Variants in PSTPIP2 observed in about 807,000 individuals in gnomAD.
PSTPIP2 encodes proline-serine-threonine phosphatase interacting protein 2, also known as proline-serine-threonine phosphatase-interacting protein 2.
A neutral mutation model predicts 63.3 loss-of-function variants in PSTPIP2; 33 were observed. That is an observed-to-expected ratio of 0.52 (90% CI 0.40 to 0.70). The LOEUF is 0.70. PSTPIP2 is among the 30% of genes least tolerant of loss of function. The pLI is 0.00. For synonymous variants in PSTPIP2, 125 were observed against 132.7 expected, an observed-to-expected ratio of 0.94 and a Z score of 0.40; for missense variants, 312 against 400.7, an observed-to-expected ratio of 0.78 and a Z score of 1.89.
intron 2 of PSTPIP2, among the ~76,000 whole-genome samples, chr18:46,038,319 T>A (rs1908057396): frequency 6.6e-6 from 1 of 152,168 alleles, no homozygotes; most frequent in South Asian, 2.1e-4. Flanking sequence ...AGGGTCACAT[T>A]CAAAAAAGTA....
chr18:45,990,666 G>C (rs1452606441), intron 13 of PSTPIP2, 56 bp downstream of exon 13: 1 of 1,471,974 alleles, frequency 6.8e-7, no homozygotes, highest in Admixed American at 1.8e-5. Context: ...CTGACCTCAA[G>C]TGATCTGCCT....
chr18:46,060,932 C>T (rs1163401405), intron 1 of PSTPIP2, among the ~76,000 whole-genome samples: 4 of 152,110 alleles, frequency 2.6e-5, no homozygotes, highest in African/African-American at 2.4e-5. Context: ...GACAATGACA[C>T]GTATAAAACA....
chr18:46,040,037 A>G lies in PSTPIP2; in HGVS notation c.44T>C (p.Ile15Thr), dbSNP rs1290055938. The G allele has an allele frequency of 6.2e-7, 1 of 1,605,848 alleles. No individual in the cohort carries two copies. Among genetic ancestry groups the G allele is most frequent in the Non-Finnish European group, 8.5e-7 (1 of 1,175,538 alleles). ...LFKGNFWSAD[I>T]LSTIGYDNII... ...GTTGTCATAGCCGATGGTGCTGAGG[A>G]TGTCTGCACTCTGGGGGAAAGACAA... Residue 15 changes from isoleucine to threonine, a missense_variant, in exon 2 of 15, where the codon ATC becomes ACC. Ile to Thr is a moderately conservative substitution (Grantham distance 89). Coordinates refer to ENST00000409746, the MANE Select transcript of PSTPIP2 (RefSeq NM_024430.4).
chr18:46,045,215 T>C (rs1489167328), intron 1 of PSTPIP2, among the ~76,000 whole-genome samples: 1 of 152,192 alleles, frequency 6.6e-6, no homozygotes, highest in Non-Finnish European at 1.5e-5. Flanking sequence ...TGCACACGTA[T>C]GTTTATTGCG....
chr18:46,017,807 A>AT (rs1332391251), intron 3 of PSTPIP2, among the ~76,000 whole-genome samples: 19 of 152,172 alleles, frequency 1.2e-4, no homozygotes, highest in African/African-American at 4.6e-4. Context: ...GTTTTCAAGA[A>AT]TATAATACAT....
intron 2 of PSTPIP2, among the ~76,000 whole-genome samples, chr18:46,033,955 G>A (rs1282665838): frequency 6.6e-6 from 1 of 152,216 alleles, no homozygotes; most frequent in African/African-American, 2.4e-5. Context: ...AAGCCATTCA[G>A]TTAGAGGCAA....
At chr18:46,034,805 A>T (rs1907907234) in intron 2 of PSTPIP2, among the ~76,000 whole-genome samples, 2 of 152,194 alleles carry the variant, frequency 1.3e-5, no homozygotes, top group Non-Finnish European at 2.9e-5. Context: ...GAGAAAACTT[A>T]CCATACAGAG....
chr18:46,059,026 T>C (rs772144904), intron 1 of PSTPIP2, among the ~76,000 whole-genome samples: 1 of 125,554 alleles, frequency 8.0e-6, no homozygotes, highest in African/African-American at 2.7e-5. Flanking sequence ...TTCTTTTTTT[T>C]TCTTTTTTTC....
At chr18:46,016,841 C>G (rs1459227271) in intron 3 of PSTPIP2, among the ~76,000 whole-genome samples, 1 of 152,146 alleles carries the variant, frequency 6.6e-6, no homozygotes, top group Non-Finnish European at 1.5e-5. Flanking sequence ...AATAAAATAC[C>G]TAAGAATGCT....
rs370990162 is a variant in PSTPIP2 at position 46,072,069 on chromosome 18, C to CT, written c.33+86dup. On this transcript the variant is annotated intron_variant, in intron 1 of 14. Transcript: ENST00000409746. ...GCGCGGTCACCGAGTGGCGCCGGAG[C>CT]TGGGGAGCCCCCCACGCCCGCCGCG... is the stretch of plus-strand genomic sequence containing the variant. The CT allele has an allele frequency of 1.2e-3, 1,693 of 1,461,042 alleles. 17 individuals carry two copies. In the African/African-American group the frequency reaches 0.022, roughly 19 times the overall value. The allele number at this position is 1,461,042 out of a possible 1,614,324, so 90.5% of individuals were successfully genotyped here.
At chr18:46,002,444 G>T (rs995818983) in intron 6 of PSTPIP2, among the ~76,000 whole-genome samples, 2 of 151,844 alleles carry the variant, frequency 1.3e-5, no homozygotes, top group Admixed American at 6.6e-5. Context: ...TCTCTCTGTT[G>T]TTCATGTCTG....
intron 1 of PSTPIP2, among the ~76,000 whole-genome samples, chr18:46,049,296 TG>T (rs1248287857): frequency 6.6e-6 from 1 of 151,884 alleles, no homozygotes; most frequent in Non-Finnish European, 1.5e-5. Flanking sequence ...AGCCACACAC[TG>T]GGGCCTTTTG....
intron 3 of PSTPIP2, among the ~76,000 whole-genome samples, chr18:46,023,871 C>A (rs1211554280): frequency 6.6e-6 from 1 of 151,746 alleles, no homozygotes; most frequent in East Asian, 1.9e-4. Context: ...CACATATACA[C>A]ACACAGGAAG....
rs1440599719 is a variant in PSTPIP2, at chr18:45,983,728, T to G, written c.*1731A>C. On this transcript the variant is annotated 3_prime_UTR_variant, in exon 15 of 15. Transcript: ENST00000409746. ...GTTCTGAGTGTAAAGGAACATTTCC[T>G]GAGCCCGTTCAGTTTGGGGAAATTT... is the stretch of plus-strand genomic sequence containing the variant. 2 of 152,240 alleles carry G rather than the reference T, an allele frequency of 1.3e-5. No individual in the cohort carries two copies. The highest frequency in any genetic ancestry group is 6.5e-5 in the Admixed American group (1 of 15,284). The allele number at this position is 152,240 out of a possible 1,614,324, so 9.4% of individuals were successfully genotyped here.
intron 1 of PSTPIP2, among the ~76,000 whole-genome samples, chr18:46,070,605 C>G (rs531763552): frequency 3.9e-5 from 6 of 152,352 alleles, no homozygotes; most frequent in Non-Finnish European, 7.3e-5. Flanking sequence ...CCTCAAACTC[C>G]TGGCCTCAAG....
chr18:46,009,707 G>A (rs1023350046), intron 5 of PSTPIP2, among the ~76,000 whole-genome samples: 1 of 152,178 alleles, frequency 6.6e-6, no homozygotes, highest in African/African-American at 2.4e-5. Flanking sequence ...GGCTACCAAG[G>A]AGGGCACTTA....
At chr18:46,059,638 G>A (rs868499382) in intron 1 of PSTPIP2, among the ~76,000 whole-genome samples, 4 of 152,076 alleles carry the variant, frequency 2.6e-5, no homozygotes, top group African/African-American at 9.7e-5. Flanking sequence ...TTTTCAAAGT[G>A]TCTAAAATTC....
At position 45,985,921 on chromosome 18, in the gene PSTPIP2, C is replaced by T. The variant is rs2051462418; in HGVS notation, c.*9-471G>A. ...CCTCCCAAGTAGCTGGGATTACAGG[C>T]ACCCGCCACTGTGCCTGGCTAGTTT... On this transcript the variant is annotated intron_variant, in intron 14 of 14. Coordinates refer to ENST00000409746, the MANE Select transcript of PSTPIP2 (RefSeq NM_024430.4). Among the ~76,000 whole-genome samples the T allele has an allele frequency of 2.6e-5, 4 of 151,938 alleles. No individual in the cohort carries two copies. The South Asian group carries it at 8.3e-4, about 32-fold the overall frequency.
intron 1 of PSTPIP2, 122 bp downstream of exon 1, chr18:46,072,033 AG>A (rs1333582114): frequency 7.9e-7 from 1 of 1,271,962 alleles, no homozygotes; most frequent in East Asian, 3.1e-5. Flanking sequence ...AGCTCCGCCA[AG>A]CCCCCGGGCG....
Sources: allele counts gnomAD v4.1 joint callset (sites outside exome capture counted in the v4.1 genomes callset), GRCh38; gene constraint gnomAD v4.1.1; transcripts MANE v1.5; gene names NCBI Gene and HGNC (gene_info 2026-07-23, HGNC 2026-07-21).